Variants in CLDN18 observed in about 807,000 individuals in gnomAD.
CLDN18 encodes the protein claudin 18, also known as claudin-18.
In CLDN18, 20 loss-of-function variants were observed where a neutral mutation model predicts 25.0. That is an observed-to-expected ratio of 0.80 (90% confidence interval 0.56 to 1.16). The LOEUF (loss-of-function observed/expected upper bound fraction) is 1.16, where lower values mean the gene tolerates loss of function less well. Ranked by LOEUF, CLDN18 falls within the 50% of genes most tolerant of loss-of-function variation. The pLI is 0.00. For synonymous variants in CLDN18, 125 were observed against 135.6 expected, an observed-to-expected ratio of 0.92 and a Z score of 0.54; for missense variants, 297 against 345.4, an observed-to-expected ratio of 0.86 and a Z score of 1.11.
At chr3:138,017,002 G>T (rs1233228761) in intron 1 of CLDN18, among the ~76,000 whole-genome samples, 4 of 151,740 alleles carry the variant, frequency 2.6e-5, no homozygotes, top group Non-Finnish European at 5.9e-5. Context: ...GTTGCAGTGA[G>T]CTGAGATCGC....
At chr3:138,026,068 T>C (rs776722054) in intron 3 of CLDN18, among the ~76,000 whole-genome samples, 1 of 152,104 alleles carries the variant, frequency 6.6e-6, no homozygotes, top group African/African-American at 2.4e-5. Flanking sequence ...TCTTTTGTCT[T>C]CTCATTTTCT....
At chr3:138,004,167 A>T (rs1942044956) in intron 1 of CLDN18, among the ~76,000 whole-genome samples, 1 of 152,222 alleles carries the variant, frequency 6.6e-6, no homozygotes, top group African/African-American at 2.4e-5. Flanking sequence ...CTCAAAAAAA[A>T]AATTTTAGAT....
upstream of CLDN18, among the ~76,000 whole-genome samples, chr3:138,006,763 G>A (rs1273960534): frequency 3.3e-5 from 5 of 152,146 alleles, no homozygotes; most frequent in Admixed American, 6.5e-5. Context: ...ATTTCACACA[G>A]AAGAAGTGTG....
rs1942275142 is a variant in CLDN18, at chr3:138,021,966, T to A, written c.221-1692T>A. 2.0e-5 allele frequency among the ~76,000 whole-genome samples: 3 copies of A among 152,210 alleles called. No homozygotes were observed. The South Asian group carries it at 6.2e-4, about 32-fold the overall frequency. On this transcript the variant is annotated intron_variant, in intron 1 of 4. Transcript: ENST00000183605. Reference sequence around the variant, plus strand: ...GTTCAAACAGGTAGGGATTTAAAAATAATAATAATAACAATGGTGCTGGGA... The same window carrying A: ...GTTCAAACAGGTAGGGATTTAAAAAAAATAATAATAACAATGGTGCTGGGA...
exon 1 of CLDN18, chr3:137,999,063 C>T (rs948600264): frequency 1.4e-5 from 22 of 1,614,156 alleles, no homozygotes; most frequent in Non-Finnish European, 1.9e-5. Context: ...AGTGCCGGGG[C>T]TACTTCACCC....
Position 138,031,297 on chromosome 3 carries a change from T to TCTAAATATTAGA in CLDN18, c.*157_*158insTAAATATTAGAC. On this transcript the variant is annotated 3_prime_UTR_variant, in exon 5 of 5. Transcript: ENST00000183605. ...TTGGAGAGGCCAAATGGTCTTAGCC[T>TCTAAATATTAGA]CAGTCTCTGTCTCTAAATATTCCAC... The TCTAAATATTAGA allele has an allele frequency of 5.8e-6, 3 of 513,398 alleles. No homozygotes were observed. Among genetic ancestry groups the TCTAAATATTAGA allele is most frequent in the Middle Eastern group, 5.2e-4 (1 of 1,926 alleles). 31.8% of individuals were successfully genotyped at this position (513,398 alleles called of 1,614,324 possible).
intron 3 of CLDN18, among the ~76,000 whole-genome samples, chr3:138,028,457 T>A (rs1210313848): frequency 6.6e-6 from 1 of 152,224 alleles, no homozygotes; most frequent in African/African-American, 2.4e-5. Flanking sequence ...ATTGTTGGTA[T>A]AACGTTCTTA....
intron 3 of CLDN18, among the ~76,000 whole-genome samples, chr3:138,025,366 C>A (rs182085332): frequency 2.6e-5 from 4 of 152,300 alleles, no homozygotes; most frequent in African/African-American, 9.6e-5. Flanking sequence ...GCAATACCAA[C>A]GCCCATATTC....
In CLDN18 at chr3:138,024,719, G is replaced by T; in HGVS notation, c.498G>T (p.Gln166His). Residue 166 changes from glutamine (Q) to histidine (H), a missense_variant, in exon 3 of 5, where the codon CAG becomes CAT. By Grantham distance (24) the Gln-to-His change is conservative. Transcript: ENST00000183605. ...TGMGGMVQTV[Q>H]TRYTFGAALF... The stretch of plus-strand genomic sequence containing the variant: ...TGGGTGGGATGGTGCAGACTGTTCA[G>T]ACCAGGTAACCTCCTAATCTAGGTC... 6.3e-7 allele frequency: 1 copy of T among 1,577,796 alleles called. No homozygotes were observed. The highest frequency in any genetic ancestry group is 1.1e-5 in the South Asian group (1 of 89,478).
At chr3:138,000,936 T>C (rs535307331) in intron 1 of CLDN18, among the ~76,000 whole-genome samples, 1 of 152,256 alleles carries the variant, frequency 6.6e-6, no homozygotes, top group Non-Finnish European at 1.5e-5. Flanking sequence ...GCTGACCTCA[T>C]GCCACACACA....
intron 1 of CLDN18, among the ~76,000 whole-genome samples, chr3:138,003,607 G>T (rs1402822094): frequency 2.0e-5 from 3 of 152,076 alleles, no homozygotes; most frequent in Non-Finnish European, 2.9e-5. Context: ...AAATCAAAAT[G>T]AAAGAAGTTT....
upstream of CLDN18, among the ~76,000 whole-genome samples, chr3:138,005,763 A>G (rs1413719620): frequency 6.6e-6 from 1 of 152,224 alleles, no homozygotes; most frequent in Non-Finnish European, 1.5e-5. Flanking sequence ...AAGATTTTTT[A>G]AAACTTCACA....
At chr3:138,026,381 C>T (rs939424627) in intron 3 of CLDN18, among the ~76,000 whole-genome samples, 1 of 152,210 alleles carries the variant, frequency 6.6e-6, no homozygotes, top group African/African-American at 2.4e-5. Context: ...GGCGCGGTGG[C>T]TCACGCCTGT....
exon 1 of CLDN18, chr3:137,998,847 T>C (rs1438863253): frequency 1.9e-6 from 3 of 1,611,648 alleles, no homozygotes; most frequent in Admixed American, 1.7e-5. Context: ...CGTGTGGCTC[T>C]GTGTCGACAC....
rs537241032 is a variant in CLDN18 at position 138,019,202 on chromosome 3, G to A, written c.221-4456G>A. ...CCAGAATTGAGGACTTGTTTTCACT[G>A]AGCTTAAATGACTTACCTAATAACA... On this transcript the variant is annotated intron_variant, in intron 1 of 4. Coordinates refer to ENST00000183605, the MANE Select transcript of CLDN18 (RefSeq NM_016369.4). Among the ~76,000 whole-genome samples, 6 of 152,312 alleles carry A rather than the reference G, an allele frequency of 3.9e-5. No individual in the cohort carries two copies. In the South Asian group the frequency reaches 1.2e-3, roughly 32 times the overall value.
At chr3:138,025,318 G>T (rs889556668) in intron 3 of CLDN18, among the ~76,000 whole-genome samples, 2 of 152,186 alleles carry the variant, frequency 1.3e-5, no homozygotes, top group South Asian at 4.1e-4. Flanking sequence ...CTACGATTTG[G>T]TGTCTGAAGG....
chr3:138,006,361 G>A (rs988593519), upstream of CLDN18, among the ~76,000 whole-genome samples: 2 of 152,084 alleles, frequency 1.3e-5, no homozygotes, highest in African/African-American at 4.8e-5. Flanking sequence ...AAAAGTGGTG[G>A]AAATGTTTTC....
chr3:138,018,091 C>T (rs1326406969), intron 1 of CLDN18, among the ~76,000 whole-genome samples: 2 of 152,158 alleles, frequency 1.3e-5, no homozygotes, highest in African/African-American at 4.8e-5. Flanking sequence ...GTTGTAGTTG[C>T]ATCTCACCTT....
upstream of CLDN18, among the ~76,000 whole-genome samples, chr3:138,008,333 G>C (rs1330641990): frequency 1.3e-5 from 2 of 152,096 alleles, no homozygotes; most frequent in Non-Finnish European, 2.9e-5. Context: ...GCTGGGCACA[G>C]TGGCTCACGC....
Sources: allele counts gnomAD v4.1 joint callset (sites outside exome capture counted in the v4.1 genomes callset), GRCh38; gene constraint gnomAD v4.1.1; transcripts MANE v1.5; gene names NCBI Gene and HGNC (gene_info 2026-07-23, HGNC 2026-07-21).